The following ICE2 variants were observed in gnomAD, a reference collection of about 807,000 sequenced individuals.
The protein encoded by ICE2 is interactor of little elongation complex ELL subunit 2, also known as little elongation complex subunit 2.
ICE2 carries 87 observed loss-of-function variants against 105.4 expected under a neutral mutation model. That is an observed-to-expected ratio of 0.83 (90% CI 0.69 to 0.99). The LOEUF (loss-of-function observed/expected upper bound fraction) is 0.99. Among genes scored for constraint, ICE2 ranks in the 50% least tolerant of loss-of-function variants. The pLI is 0.00. For missense variants in ICE2, 1,323 were observed against 1,146.7 expected, an observed-to-expected ratio of 1.15 and a Z score of -2.22; for synonymous variants, 399 against 392.0, an observed-to-expected ratio of 1.02 and a Z score of -0.21.
At chr15:60,450,322 A>G (rs183537958) in intron 9 of ICE2, among the ~76,000 whole-genome samples, 26 of 152,322 alleles carry the variant, frequency 1.7e-4, no homozygotes, top group African/African-American at 6.3e-4. Flanking sequence ...TGCACCCTTA[A>G]TATCAACCAG....
intron 2 of ICE2, 47 bp from the exon 3 acceptor site, chr15:60,476,214 T>A: frequency 8.3e-7 from 1 of 1,201,120 alleles, no homozygotes; most frequent in Non-Finnish European, 1.2e-6. Context: ...CAAAATCTCA[T>A]GCTAGACTAT....
intron 12 of ICE2, among the ~76,000 whole-genome samples, chr15:60,437,249 C>G (rs139997854): frequency 0.011 from 1,620 of 151,458 alleles, 27 homozygotes; most frequent in African/African-American, 0.036. Context: ...AGTAAGACTC[C>G]GTCTCAAAAA....
chr15:60,456,734 CGT>C lies in ICE2; in HGVS notation c.587_588del (p.His196ArgfsTer54). 1 of 1,588,104 alleles carries C rather than the reference CGT, an allele frequency of 6.3e-7. No homozygotes were observed. The highest frequency in any genetic ancestry group is 8.6e-7 in the Non-Finnish European group (1 of 1,167,104). On this transcript the variant is annotated frameshift_variant, in exon 6 of 16. Coordinates refer to ENST00000261520, the MANE Select transcript of ICE2 (RefSeq NM_024611.6). LOFTEE classifies it high-confidence loss of function. ...AAGAATCCCATTAAGCTGGTGACCTCGTGGAGAGTATAGAATTCTGAATACTT... is the reference window on the plus strand; with the variant it reads ...AAGAATCCCATTAAGCTGGTGACCTCGGAGAGTATAGAATTCTGAATACTT... ...VKKYSEFYTL[H>X]EVTSLMGFFP...
rs566837215 is a variant in ICE2, at chr15:60,466,848, TCAGTAAAAATTATTATG to T, written c.409-152_409-136del. On this transcript the variant is annotated intron_variant, in intron 4 of 15. Transcript: ENST00000261520. ...AAATCCAAAGCAGAAATCAAAGAAG[TCAGTAAAAATTATTATG>T]CAGTAATGATAAACTGTTATTAAAA... The T allele has an allele frequency of 4.8e-3, 3,573 of 747,378 alleles. 10 individuals are homozygous for T. Among genetic ancestry groups the T allele is most frequent in the Admixed American group, 7.7e-3 (252 of 32,764 alleles). The allele number at this position is 747,378 out of a possible 1,614,324, so 46.3% of individuals were successfully genotyped here.
At chr15:60,438,235 A>G (rs1449591642) in intron 12 of ICE2, 1 of 152,218 alleles carries the variant, frequency 6.6e-6, no homozygotes, top group Non-Finnish European at 1.5e-5. Flanking sequence ...AGACGTATCA[A>G]TGTTGAAGAC....
At chr15:60,428,319 T>A in intron 15 of ICE2, 110 bp downstream of exon 15, 5 of 1,172,196 alleles carry the variant, frequency 4.3e-6, no homozygotes, top group Non-Finnish European at 6.1e-6. Context: ...TTTAGAATGG[T>A]GCTGTGATTA....
chr15:60,431,375 T>G (rs2063457897), intron 14 of ICE2, among the ~76,000 whole-genome samples: 1 of 151,994 alleles, frequency 6.6e-6, no homozygotes, highest in Non-Finnish European at 1.5e-5. Flanking sequence ...AGGCCCAAAG[T>G]AATCACCAGG....
chr15:60,447,684 G>A lies in ICE2; in HGVS notation c.2295+286C>T, dbSNP rs549005899. The A allele has an allele frequency of 4.6e-5, 10 of 215,328 alleles. No individual in the cohort carries two copies. In the South Asian group the frequency reaches 7.0e-4, roughly 15 times the overall value. The allele number at this position is 215,328 out of a possible 1,614,324, so 13.3% of individuals were successfully genotyped here. ...TTTCCACTTGTGATACCATGCCGGA[G>A]CTTAAAAGTTTTCAAACTTTGGAGC... On this transcript the variant is annotated intron_variant, in intron 11 of 15. Coordinates refer to ENST00000261520, the MANE Select transcript of ICE2 (RefSeq NM_024611.6).
chr15:60,429,008 A>G (rs1363342697), intron 14 of ICE2, among the ~76,000 whole-genome samples: 1 of 152,250 alleles, frequency 6.6e-6, no homozygotes, highest in Non-Finnish European at 1.5e-5. Context: ...ATTTATAGGT[A>G]TCTATACTGA....
chr15:60,468,233 T>G lies in ICE2; in HGVS notation c.236A>C (p.Lys79Thr). Reference sequence around the variant, plus strand: ...AAGAAGAACCATTCCAATTGTGGTTTTAACTTTTTCCTTTGCTTGAGTTGC... The same window carrying G: ...AAGAAGAACCATTCCAATTGTGGTTGTAACTTTTTCCTTTGCTTGAGTTGC... ...SSATQAKEKV[K>T]TTIGMVLLPK... Residue 79 changes from lysine (K) to threonine (T), a missense_variant, in exon 4 of 16, where the codon AAA becomes ACA. Physicochemically the swap from Lys to Thr is moderately conservative, Grantham distance 78. Transcript: ENST00000261520. 6.2e-7 allele frequency: 1 copy of G among 1,614,052 alleles called. No homozygotes were observed. The highest frequency in any genetic ancestry group is 1.7e-4 in the Middle Eastern group (1 of 6,056).
At chr15:60,432,074 T>G (rs756678735) in intron 13 of ICE2, 90 bp from the exon 14 acceptor site, 155 of 588,704 alleles carry the variant, frequency 2.6e-4, no homozygotes, top group Non-Finnish European at 4.1e-4. Context: ...ATGCCCTCAA[T>G]AACAACAACA....
intron 14 of ICE2, 46 bp from the exon 15 acceptor site, chr15:60,428,733 T>C: frequency 6.3e-7 from 1 of 1,580,572 alleles, no homozygotes; most frequent in East Asian, 2.3e-5. Flanking sequence ...ACTGTGTCAA[T>C]TTCAACATCA....
At chr15:60,450,093 T>C (rs1471707716) in intron 9 of ICE2, among the ~76,000 whole-genome samples, 1 of 152,180 alleles carries the variant, frequency 6.6e-6, no homozygotes, top group East Asian at 1.9e-4. Flanking sequence ...ATGGAATATT[T>C]ACAAACTACC....
At chr15:60,473,204 A>C (rs906287240) in intron 3 of ICE2, among the ~76,000 whole-genome samples, 1 of 151,926 alleles carries the variant, frequency 6.6e-6, no homozygotes, top group Non-Finnish European at 1.5e-5. Context: ...CTAGCCTCCC[A>C]AAGTATTGTT....
rs2063222313 is a variant in ICE2, at chr15:60,419,664, ATCTT to A, written c.*3966_*3969del. 6.6e-6 allele frequency: 1 copy of A among 152,222 alleles called. No individual in the cohort carries two copies. The highest frequency in any genetic ancestry group is 2.1e-4 in the South Asian group (1 of 4,830). 9.4% of individuals were successfully genotyped at this position (152,222 alleles called of 1,614,324 possible). ...TACATCTCAACAAGAAACTCAATAA[ATCTT>A]AATATCAAATACGTTAAGGTTTGAT... On this transcript the variant is annotated 3_prime_UTR_variant, in exon 16 of 16. Transcript: ENST00000261520.
intron 6 of ICE2, 77 bp from the exon 7 acceptor site, chr15:60,455,519 G>T: frequency 1.1e-6 from 1 of 878,160 alleles, no homozygotes; most frequent in Non-Finnish European, 1.8e-6. Context: ...TTCATCATAT[G>T]AAACTCTTAA....
Position 60,432,182 on chromosome 15 carries a change from T to A in ICE2, c.2511-198A>T, listed in dbSNP as rs1325509975. On this transcript the variant is annotated intron_variant, in intron 13 of 15. Transcript: ENST00000261520. ...ACTTAATTTTTTAAAAAAAATTTCC[T>A]TTTTTTTTTTTTTTTTTTTGAGATG... is the stretch of plus-strand genomic sequence containing the variant. Among the ~76,000 whole-genome samples the A allele has an allele frequency of 1.9e-4, 12 of 63,414 alleles. No individual in the cohort carries two copies. In the East Asian group the frequency reaches 2.7e-3, roughly 14 times the overall value. 41.6% of individuals were successfully genotyped at this position (63,414 alleles called of 152,430 possible).
intron 3 of ICE2, among the ~76,000 whole-genome samples, chr15:60,469,029 T>C (rs1392059607): frequency 6.6e-6 from 1 of 152,164 alleles, no homozygotes; most frequent in African/African-American, 2.4e-5. Flanking sequence ...TTACCATATG[T>C]GTTTATGGAA....
chr15:60,464,891 T>C (rs1198865858), intron 5 of ICE2, among the ~76,000 whole-genome samples: 1 of 152,156 alleles, frequency 6.6e-6, no homozygotes, highest in African/African-American at 2.4e-5. Flanking sequence ...ATGTCCTTGT[T>C]ATTCAGGAGG....
Sources: gnomAD v4.1 joint callset for allele counts (sites outside exome capture counted in the v4.1 genomes callset) on GRCh38, gnomAD v4.1.1 for gene constraint, MANE v1.5 for transcripts, NCBI Gene and HGNC (gene_info 2026-07-23, HGNC 2026-07-21) for gene names.